Variants in CFAP74 observed in about 807,000 individuals in gnomAD.
CFAP74 encodes the protein cilia- and flagella-associated protein 74.
A neutral mutation model predicts 188.9 loss-of-function variants in CFAP74; 124 were observed. The observed-to-expected ratio is 0.66, with a 90% CI of 0.57 to 0.76. The LOEUF is 0.76. CFAP74 is among the 30% of genes least tolerant of loss of function. CFAP74 has a pLI of 0.00. For synonymous variants in CFAP74, 956 were observed against 916.7 expected, an observed-to-expected ratio of 1.04 and a Z score of -0.77; for missense variants, 2,198 against 2,165.2, an observed-to-expected ratio of 1.02 and a Z score of -0.30.
In CFAP74 at chr1:1,992,619, G is replaced by A. The variant is rs183238906; in HGVS notation, c.-19-1644C>T. ...CTCCCGAGTAGCTGGGACTACAGGC[G>A]CCCACCACTACGCCCAGCTAATTTT... On this transcript the variant is annotated intron_variant, in intron 1 of 38. Coordinates refer to ENST00000682832, the MANE Select transcript of CFAP74 (RefSeq NM_001304360.2). Among the ~76,000 whole-genome samples the A allele has an allele frequency of 1.4e-3, 207 of 151,582 alleles. 2 individuals are homozygous for A. The highest frequency in any genetic ancestry group is 4.7e-3 in the African/African-American group (196 of 41,302).
At chr1:1,948,174 G>C (rs955634142) in intron 18 of CFAP74, among the ~76,000 whole-genome samples, 3 of 151,892 alleles carry the variant, frequency 2.0e-5, no homozygotes, top group East Asian at 1.9e-4. Context: ...CCCGGCCAAG[G>C]GTCCCCGGTT....
At chr1:1,991,139 T>A (rs192985012) in intron 1 of CFAP74, among the ~76,000 whole-genome samples, 164 bp from the exon 2 acceptor site, 3 of 152,234 alleles carry the variant, frequency 2.0e-5, no homozygotes, top group Non-Finnish European at 4.4e-5. Context: ...CTGGAACACA[T>A]GAAGAGCTCC....
intron 6 of CFAP74, among the ~76,000 whole-genome samples, chr1:1,981,182 A>C (rs1477460517): frequency 6.6e-6 from 1 of 152,192 alleles, no homozygotes; most frequent in Non-Finnish European, 1.5e-5. Flanking sequence ...CAGAGGGAGG[A>C]GGCCTTGCAG....
At chr1:1,946,029 CGT>C (rs1332240189) in intron 20 of CFAP74, among the ~76,000 whole-genome samples, 41 of 140,638 alleles carry the variant, frequency 2.9e-4, no homozygotes, top group African/African-American at 8.4e-4. Context: ...TGCGTGTGTA[CGT>C]GTGTGTGGGC....
At chr1:1,990,837 A>T in intron 2 of CFAP74, 53 bp downstream of exon 2, 1 of 1,419,634 alleles carries the variant, frequency 7.0e-7, no homozygotes, top group South Asian at 1.2e-5. Flanking sequence ...GAAGCATGTC[A>T]TTTGTTTGTC....
At position 1,968,912 on chromosome 1, in the gene CFAP74, C is replaced by T. The variant is rs1655679076; in HGVS notation, c.1047-79G>A. The T allele has an allele frequency of 7.2e-7, 1 of 1,393,540 alleles. No individual in the cohort carries two copies. Among genetic ancestry groups the T allele is most frequent in the Non-Finnish European group, 1.0e-6 (1 of 1,004,614 alleles). 86.3% of individuals were successfully genotyped at this position (1,393,540 alleles called of 1,614,324 possible). A position where few individuals can be genotyped will look rare whatever the true frequency, so the allele number is the denominator to read the frequency against. ...CCCCAGATGAGACAGTGCCCGGCGG[C>T]CCCTCCCTAGCGCCCTCCTGGGGGC... On this transcript the variant is annotated intron_variant, in intron 10 of 38. Transcript: ENST00000682832. This position sits in a 1 kb window ranked among gnomAD's most constrained non-coding sequence, Gnocchi z 4.3.
At chr1:1,956,345 C>A (rs943633024) in intron 17 of CFAP74, among the ~76,000 whole-genome samples, 1 of 152,146 alleles carries the variant, frequency 6.6e-6, no homozygotes, top group African/African-American at 2.4e-5. Flanking sequence ...CTCCTGGGGC[C>A]CTCGGGCCTG....
chr1:1,936,513 C>T (rs774265505), intron 25 of CFAP74, among the ~76,000 whole-genome samples: 3 of 151,918 alleles, frequency 2.0e-5, no homozygotes, highest in Non-Finnish European at 4.4e-5. Flanking sequence ...CACTGCACTC[C>T]AGCCTGGCGA....
rs763626001 is a variant in CFAP74 at position 1,988,578 on chromosome 1, A to C, written c.230T>G (p.Leu77Arg). 1 of 1,613,454 alleles carries C rather than the reference A, an allele frequency of 6.2e-7. No individual in the cohort carries two copies. The highest frequency in any genetic ancestry group is 2.2e-5 in the East Asian group (1 of 44,890). The change falls in exon 4 of 39, where the codon CTG becomes CGG. Residue 77 changes from leucine to arginine, a missense_variant. By Grantham distance (102) the Leu-to-Arg change is moderately radical (BLOSUM62 -2). Coordinates refer to ENST00000682832, the MANE Select transcript of CFAP74 (RefSeq NM_001304360.2). ...ATCCAGGGCGCTCAGGTTCTGCCGC[A>C]GGTGAAATGCCTGCGTTCTGTCCTC... ...TAEDRTQAFH[L>R]RQNLSALDKM...
intron 1 of CFAP74, among the ~76,000 whole-genome samples, chr1:1,999,672 C>T (rs1477188639): frequency 6.6e-6 from 1 of 151,544 alleles, no homozygotes; most frequent in Admixed American, 6.6e-5. Context: ...CAAAAATTAG[C>T]CAGGCGCGGT....
At chr1:1,966,644 G>A (rs564742894) in intron 11 of CFAP74, 118 bp from the exon 12 acceptor site, 19 of 917,156 alleles carry the variant, frequency 2.1e-5, no homozygotes, top group African/African-American at 1.9e-4. Context: ...TCTGCCTCAC[G>A]TACTCTGCAT....
intron 24 of CFAP74, 40 bp downstream of exon 24, chr1:1,939,554 G>A (rs1339766838): frequency 2.0e-6 from 3 of 1,516,270 alleles, no homozygotes; most frequent in Non-Finnish European, 2.7e-6. Flanking sequence ...GGACTTCCCA[G>A]CCTCACCCCT....
chr1:1,986,996 G>C lies in CFAP74; in HGVS notation c.336C>G (p.Ile112Met), dbSNP rs781403360. Residue 112 changes from isoleucine to methionine, a missense_variant, in exon 5 of 39, where the codon ATC becomes ATG. Ile to Met is a conservative substitution (Grantham distance 10, BLOSUM62 1). Transcript: ENST00000682832. ...CTGCCACAGCCTCCTGCTGCTTGTC[G>C]ATCAGGTCCCGCCTCTGCCGACAGG... The part of the protein sequence containing the change: ...LRACRQRRDL[I>M]DKQQEAVAAE... 45 of 1,601,814 alleles carry C rather than the reference G, an allele frequency of 2.8e-5. No homozygotes were observed. The highest frequency in any genetic ancestry group is 3.7e-5 in the Non-Finnish European group (44 of 1,179,504).
chr1:1,994,174 T>TAAA (rs5772056), intron 1 of CFAP74, among the ~76,000 whole-genome samples: 12 of 114,740 alleles, frequency 1.0e-4, no homozygotes, highest in African/African-American at 2.7e-4. Flanking sequence ...CTAAAAGGGT[T>TAAA]AAAAAAAAAA....
rs545856193 is a variant in CFAP74, at chr1:1,939,461, G to A, written c.2877+133C>T. ...CAGGGTGGGGAGGCCCAGGTGTGGA[G>A]GGGTGCAGCTGAGAGGCGGAAGTTG... On this transcript the variant is annotated intron_variant, in intron 24 of 38. Coordinates refer to ENST00000682832, the MANE Select transcript of CFAP74 (RefSeq NM_001304360.2). 16 of 862,994 alleles carry A rather than the reference G, an allele frequency of 1.9e-5. No individual in the cohort carries two copies. In the African/African-American group the frequency reaches 2.3e-4, roughly 13 times the overall value. 53.5% of individuals were successfully genotyped at this position (862,994 alleles called of 1,614,324 possible).
chr1:1,990,384 G>C (rs1657496821), intron 2 of CFAP74, among the ~76,000 whole-genome samples: 1 of 149,978 alleles, frequency 6.7e-6, no homozygotes, highest in Non-Finnish European at 1.5e-5. Context: ...GAGGGAGACA[G>C]TGGCGGGGGG....
intron 18 of CFAP74, among the ~76,000 whole-genome samples, chr1:1,948,960 C>CTTT (rs1429099177): frequency 1.3e-5 from 1 of 76,296 alleles, no homozygotes; most frequent in Non-Finnish European, 3.0e-5. Flanking sequence ...CTCCCTTACT[C>CTTT]CCTTCCTTCC....
intron 1 of CFAP74, among the ~76,000 whole-genome samples, chr1:1,992,614 C>T (rs191023700): frequency 4.0e-5 from 6 of 151,826 alleles, no homozygotes; most frequent in Admixed American, 3.9e-4. Context: ...GCTGGGACTA[C>T]AGGCGCCCAC....
intron 4 of CFAP74, 49 bp from the exon 5 acceptor site, chr1:1,987,084 C>T (rs1657288552): frequency 6.6e-7 from 1 of 1,514,284 alleles, no homozygotes; most frequent in Non-Finnish European, 9.0e-7. Flanking sequence ...AAACTCCAGC[C>T]TCCAAAGTGA....
Sources: allele counts gnomAD v4.1 joint callset (sites outside exome capture counted in the v4.1 genomes callset), GRCh38; gene constraint gnomAD v4.1.1; non-coding constraint Gnocchi (gnomAD v3.1); transcripts MANE v1.5; gene names NCBI Gene and HGNC (gene_info 2026-07-23, HGNC 2026-07-21).